The following ADGRL3 variants were observed in gnomAD, a reference collection of about 807,000 sequenced individuals.
The protein encoded by ADGRL3 is adhesion G protein-coupled receptor L3, also known as calcium-independent alpha-latrotoxin receptor 3.
ADGRL3 carries 62 observed loss-of-function variants against 153.5 expected under a neutral mutation model. The ratio of observed to expected loss-of-function variants is 0.40; its 90% CI spans 0.33 to 0.50. The LOEUF is 0.50. Among genes scored for constraint, ADGRL3 ranks in the 20% least tolerant of loss-of-function variants. ADGRL3 has a pLI of 0.47. For synonymous variants in ADGRL3, 710 were observed against 672.5 expected (o/e 1.06, Z -0.86); for missense variants, 1,641 against 1,859.4 (o/e 0.88, Z 2.16).
rs535896581 is a variant in ADGRL3 at position 62,077,869 on chromosome 4, T to G, written c.*6961T>G. 3 of 152,082 alleles carry G rather than the reference T, an allele frequency of 2.0e-5. No homozygotes were observed. The highest frequency in any genetic ancestry group is 7.2e-5 in the African/African-American group (3 of 41,558). 9.4% of individuals were successfully genotyped at this position (152,082 alleles called of 1,614,324 possible). ...TGTTCATTTATAAAGTATCACTGGT[T>G]TGTATATTTTAATGCTGACCTTTGC... On this transcript the variant is annotated 3_prime_UTR_variant, in exon 27 of 27. Coordinates refer to ENST00000683033, the MANE Select transcript of ADGRL3 (RefSeq NM_001387552.1).
intron 1 of ADGRL3, among the ~76,000 whole-genome samples, chr4:61,345,826 CA>C (rs2151218562): frequency 6.6e-6 from 1 of 152,278 alleles, no homozygotes; most frequent in Admixed American, 6.5e-5. Flanking sequence ...ATTTCAGAAG[CA>C]AATTCCAAAA....
intron 1 of ADGRL3, among the ~76,000 whole-genome samples, chr4:61,376,680 T>C (rs1184732283): frequency 1.3e-5 from 2 of 152,146 alleles, no homozygotes; most frequent in African/African-American, 4.8e-5. Context: ...TTTTACCATC[T>C]TTTCTCCCTT....
At chr4:61,302,083 A>G (rs2094596901) in intron 1 of ADGRL3, among the ~76,000 whole-genome samples, 3 of 152,212 alleles carry the variant, frequency 2.0e-5, no homozygotes, top group African/African-American at 7.2e-5. Context: ...TTTTTAAGGT[A>G]GATGAGAATC....
At chr4:61,732,641 G>A (rs2096460708) in intron 7 of ADGRL3, 113 bp from the exon 8 acceptor site, 1 of 500,456 alleles carries the variant, frequency 2.0e-6, no homozygotes, top group Admixed American at 3.7e-5. Context: ...AGCAAAATAA[G>A]TGATGGTGGG....
intron 3 of ADGRL3, among the ~76,000 whole-genome samples, chr4:61,502,177 T>C (rs1181337221): frequency 1.3e-5 from 2 of 152,262 alleles, no homozygotes; most frequent in East Asian, 1.9e-4. Context: ...CTCATTTTGA[T>C]AGGCAGTAAA....
intron 6 of ADGRL3, among the ~76,000 whole-genome samples, chr4:61,714,022 C>T (rs186181909): frequency 1.6e-4 from 24 of 152,246 alleles, no homozygotes; most frequent in African/African-American, 5.5e-4. Context: ...ATCTTATCCC[C>T]TCTTTTATGC....
At chr4:61,869,960 A>AAAAAAAAAAAAG (rs1554051477) in intron 9 of ADGRL3, among the ~76,000 whole-genome samples, 4 of 101,884 alleles carry the variant, frequency 3.9e-5, no homozygotes, top group African/African-American at 1.6e-4. Flanking sequence ...AAAAAAAAAA[A>AAAAAAAAAAAAG]AGAGAGAGAG....
At chr4:61,372,772 C>T (rs1024882309) in intron 1 of ADGRL3, among the ~76,000 whole-genome samples, 21 of 152,048 alleles carry the variant, frequency 1.4e-4, no homozygotes, top group East Asian at 1.4e-3. Context: ...TCGAGCTTCC[C>T]GGCTGCTTTG....
chr4:61,758,712 T>G (rs6817398), intron 8 of ADGRL3, among the ~76,000 whole-genome samples: 13,217 of 152,192 alleles, frequency 0.087, 1,207 homozygotes, highest in African/African-American at 0.23. Flanking sequence ...GTGAATTTGA[T>G]CTTGTCATTA....
chr4:61,259,490 G>A (rs548352284), intron 1 of ADGRL3, among the ~76,000 whole-genome samples: 1 of 151,744 alleles, frequency 6.6e-6, no homozygotes, highest in Non-Finnish European at 1.5e-5. Context: ...TTTAATAGAA[G>A]ATCATTACTG....
chr4:61,566,731 A>G (rs1396677933), intron 4 of ADGRL3, among the ~76,000 whole-genome samples: 1 of 152,144 alleles, frequency 6.6e-6, no homozygotes, highest in Non-Finnish European at 1.5e-5. Flanking sequence ...CCTTATAAAT[A>G]ATATTTTTGA....
At chr4:61,882,933 C>T (rs908668158) in intron 9 of ADGRL3, among the ~76,000 whole-genome samples, 4 of 152,020 alleles carry the variant, frequency 2.6e-5, no homozygotes, top group Non-Finnish European at 5.9e-5. Flanking sequence ...GGTGAAACCC[C>T]GTCTCTACTA....
chr4:61,536,074 G>A (rs1459501786), intron 4 of ADGRL3, among the ~76,000 whole-genome samples: 1 of 151,856 alleles, frequency 6.6e-6, no homozygotes, highest in African/African-American at 2.4e-5. Context: ...CAGAGGGTTT[G>A]GTATGTTATG....
At chr4:61,971,310 C>G (rs1377691688) in intron 17 of ADGRL3, among the ~76,000 whole-genome samples, 1 of 151,998 alleles carries the variant, frequency 6.6e-6, no homozygotes, top group Non-Finnish European at 1.5e-5. Flanking sequence ...CTCCCCGCTC[C>G]CACCACCCCA....
chr4:61,893,139 CTTCT>C (rs1466793959), intron 10 of ADGRL3, among the ~76,000 whole-genome samples, 181 bp downstream of exon 10: 10 of 135,188 alleles, frequency 7.4e-5, no homozygotes, highest in Admixed American at 2.5e-4. Context: ...CTCTTTCTTT[CTTCT>C]TTCTTTCTTT....
At position 61,642,835 on chromosome 4, in the gene ADGRL3, G is replaced by A. The variant is rs573927707; in HGVS notation, c.474-33991G>A. Among the ~76,000 whole-genome samples, 10 of 152,222 alleles carry A rather than the reference G, an allele frequency of 6.6e-5. No homozygotes were observed. In the East Asian group the frequency reaches 1.9e-3, roughly 29 times the overall value. On this transcript the variant is annotated intron_variant, in intron 5 of 26. Coordinates refer to ENST00000683033, the MANE Select transcript of ADGRL3 (RefSeq NM_001387552.1). ...TCCAATTCTGTGAAGAAAGTCATTG[G>A]TAGCTTGATGGGGATGGCATTGAAT...
intron 3 of ADGRL3, among the ~76,000 whole-genome samples, chr4:61,498,036 C>G (rs1449555199): frequency 6.6e-6 from 1 of 152,004 alleles, no homozygotes; most frequent in Non-Finnish European, 1.5e-5. Flanking sequence ...CTTAAAAAAA[C>G]ATTTTTAATG....
chr4:61,538,008 GGTAC>G (rs1163840738), intron 4 of ADGRL3, among the ~76,000 whole-genome samples: 3 of 151,996 alleles, frequency 2.0e-5, no homozygotes, highest in Non-Finnish European at 4.4e-5. Context: ...CCTGAGAGCT[GGTAC>G]AATCCTTTGG....
intron 8 of ADGRL3, among the ~76,000 whole-genome samples, chr4:61,739,805 A>G (rs892691576): frequency 1.3e-5 from 2 of 152,162 alleles, no homozygotes; most frequent in African/African-American, 2.4e-5. Flanking sequence ...AGCGTGTGAT[A>G]AACAGAAGTA....
Sources: allele counts gnomAD v4.1 joint callset (sites outside exome capture counted in the v4.1 genomes callset), GRCh38; gene constraint gnomAD v4.1.1; transcripts MANE v1.5; gene names NCBI Gene and HGNC (gene_info 2026-07-23, HGNC 2026-07-21).